Variants in SLC17A1 observed in about 807,000 individuals in gnomAD.
SLC17A1 encodes the protein sodium-dependent phosphate transport protein 1.
SLC17A1 carries 51 observed loss-of-function variants against 53.5 expected under a neutral mutation model. The observed-to-expected ratio is 0.95, with a 90% CI of 0.76 to 1.20. The LOEUF (loss-of-function observed/expected upper bound fraction) is 1.20, where lower values mean the gene tolerates loss of function less well. SLC17A1 is among the 50% of genes most tolerant of loss of function. The probability of loss-of-function intolerance (pLI) is 0.00; values close to 1 mark genes in which losing one functional copy is unlikely to be tolerated. For missense variants in SLC17A1, 538 were observed against 568.2 expected, an observed-to-expected ratio of 0.95 and a Z score of 0.54; for synonymous variants, 179 against 198.8, an observed-to-expected ratio of 0.90 and a Z score of 0.84.
chr6:25,803,881 G>A (rs1023473442), intron 10 of SLC17A1, among the ~76,000 whole-genome samples: 1 of 151,838 alleles, frequency 6.6e-6, no homozygotes, highest in African/African-American at 2.4e-5. Context: ...ATGAGTAAAC[G>A]TTCTCTTATT....
intron 10 of SLC17A1, among the ~76,000 whole-genome samples, chr6:25,808,917 A>C (rs1333137806): frequency 6.6e-6 from 1 of 152,094 alleles, no homozygotes; most frequent in African/African-American, 2.4e-5. Context: ...ACTCAAAGGA[A>C]AAGATATTAT....
At chr6:25,777,615 T>G in the SLC17A1 span, 1 of 229,014 alleles carries the variant, frequency 4.4e-6, no homozygotes, top group Non-Finnish European at 8.5e-6. Flanking sequence ...ACAAAAACCT[T>G]ACAAACCAGG....
chr6:25,804,204 C>T (rs1763880882), intron 10 of SLC17A1, among the ~76,000 whole-genome samples: 2 of 152,112 alleles, frequency 1.3e-5, no homozygotes, highest in Admixed American at 1.3e-4. Context: ...TCAGCAGAAA[C>T]CTTACAAGCC....
At chr6:25,752,426 T>C in the SLC17A1 span, among the ~76,000 whole-genome samples, 1 of 152,206 alleles carries the variant, frequency 6.6e-6, no homozygotes, top group East Asian at 1.9e-4. Context: ...GAAGTTACTC[T>C]GGGTGAGGCA....
chr6:25,743,402 G>A, the SLC17A1 span, among the ~76,000 whole-genome samples: 37 of 152,062 alleles, frequency 2.4e-4, no homozygotes, highest in African/African-American at 7.7e-4. Flanking sequence ...TTTATGAGAT[G>A]CCTTCTATTT....
At chr6:25,782,419 C>T (rs1346139147), downstream of SLC17A1, among the ~76,000 whole-genome samples, 1 of 152,052 alleles carries the variant, frequency 6.6e-6, no homozygotes, top group Non-Finnish European at 1.5e-5. Flanking sequence ...CAAAGAACAA[C>T]AGTATCATAT....
intron 10 of SLC17A1, among the ~76,000 whole-genome samples, chr6:25,811,041 T>C (rs1009956409): frequency 5.3e-5 from 8 of 152,144 alleles, no homozygotes; most frequent in Non-Finnish European, 1.0e-4. Flanking sequence ...TGTGGAATCT[T>C]ACAAAATTGG....
chr6:25,730,673 G>A, the SLC17A1 span, among the ~76,000 whole-genome samples: 1 of 152,206 alleles, frequency 6.6e-6, no homozygotes, highest in Non-Finnish European at 1.5e-5. Context: ...TAATGCATAT[G>A]TTAATTAGAT....
intron 2 of SLC17A1, among the ~76,000 whole-genome samples, chr6:25,830,285 T>A (rs1764900042): frequency 6.6e-6 from 1 of 152,154 alleles, no homozygotes; most frequent in African/African-American, 2.4e-5. Flanking sequence ...TTCCACTAAA[T>A]GATAAACTGA....
At chr6:25,765,096 C>T in the SLC17A1 span, among the ~76,000 whole-genome samples, 1 of 152,144 alleles carries the variant, frequency 6.6e-6, no homozygotes, top group Non-Finnish European at 1.5e-5. Context: ...CAAAGTCACA[C>T]ACAACTGGCT....
At chr6:25,769,262 G>A in the SLC17A1 span, 3 of 1,372,018 alleles carry the variant, frequency 2.2e-6, no homozygotes, top group Admixed American at 3.9e-5. Flanking sequence ...AAAAGAGTGA[G>A]ATTCATTTAA....
chr6:25,830,584 G>A lies in SLC17A1; in HGVS notation c.-27C>T. 3.1e-6 allele frequency: 5 copies of A among 1,613,502 alleles called. No individual in the cohort carries two copies. Among genetic ancestry groups the A allele is most frequent in the Non-Finnish European group, 4.2e-6 (5 of 1,179,648 alleles). The stretch of plus-strand genomic sequence containing the variant: ...CACGGCTGAAGTTGCTTCTCTTCTT[G>A]CTGAAGGGTTTTGCCTCCACCCACT... On this transcript the variant is annotated 5_prime_UTR_variant, in exon 2 of 13. Coordinates refer to ENST00000244527, the MANE Select transcript of SLC17A1 (RefSeq NM_005074.5).
chr6:25,806,609 T>C (rs1027511535), intron 10 of SLC17A1, among the ~76,000 whole-genome samples: 1 of 151,986 alleles, frequency 6.6e-6, no homozygotes, highest in Non-Finnish European at 1.5e-5. Flanking sequence ...CTTCTGGACA[T>C]TGGCCTAGGC....
chr6:25,820,269 A>G (rs1255930596), intron 3 of SLC17A1, among the ~76,000 whole-genome samples: 1 of 152,194 alleles, frequency 6.6e-6, no homozygotes, highest in African/African-American at 2.4e-5. Context: ...CCTGTACTTC[A>G]TAGTACTACT....
At chr6:25,750,230 T>C in the SLC17A1 span, among the ~76,000 whole-genome samples, 1 of 152,236 alleles carries the variant, frequency 6.6e-6, no homozygotes, top group Admixed American at 6.5e-5. Flanking sequence ...GTGAAACATT[T>C]AGAAAACTTT....
rs756565611 is a variant in SLC17A1, at chr6:25,819,883, C to T, written c.240G>A (p.Gln80=). Residue 80 remains glutamine (Q), a synonymous_variant, in exon 4 of 13, where the codon CAG becomes CAA. Transcript: ENST00000244527. ...AGGAGGTGGAACTCAAGATGATTCC[C>T]TGGATATCTGGGCTCCAATTATACA... The part of the protein sequence containing the change: ...NPMYNWSPDI[Q]GIILSSTSYG... The T allele has an allele frequency of 1.2e-6, 2 of 1,612,996 alleles. No homozygotes were observed. The highest frequency in any genetic ancestry group is 4.5e-5 in the East Asian group (2 of 44,858).
chr6:25,729,740 A>AT, the SLC17A1 span, among the ~76,000 whole-genome samples: 8,492 of 150,138 alleles, frequency 0.057, 476 homozygotes, highest in African/African-American at 0.15. Context: ...CTTTCCGTGC[A>AT]TTTTTTTTTA....
At chr6:25,741,436 A>G in the SLC17A1 span, among the ~76,000 whole-genome samples, 12 of 140,568 alleles carry the variant, frequency 8.5e-5, no homozygotes, top group East Asian at 2.2e-4. Flanking sequence ...AAAAAAAAAA[A>G]GGGCGCAGCG....
At chr6:25,799,103 A>G (rs1337894500) in intron 11 of SLC17A1, among the ~76,000 whole-genome samples, 184 bp from the exon 12 acceptor site, 3 of 152,172 alleles carry the variant, frequency 2.0e-5, no homozygotes, top group African/African-American at 7.2e-5. Context: ...TCTTTCTACT[A>G]TATACATGTT....
Sources: gnomAD v4.1 joint callset for allele counts (sites outside exome capture counted in the v4.1 genomes callset) on GRCh38, gnomAD v4.1.1 for gene constraint, MANE v1.5 for transcripts, NCBI Gene and HGNC (gene_info 2026-07-23, HGNC 2026-07-21) for gene names.